Variants in SVOPL observed in about 807,000 individuals in gnomAD.
The protein encoded by SVOPL is putative transporter SVOPL.
In SVOPL, 60 loss-of-function variants were observed where a neutral mutation model predicts 61.0. The ratio of observed to expected loss-of-function variants is 0.98; its 90% CI spans 0.80 to 1.22. The LOEUF (loss-of-function observed/expected upper bound fraction) is 1.22, where lower values mean the gene tolerates loss of function less well. SVOPL is among the 50% of genes most tolerant of loss of function. The probability of loss-of-function intolerance (pLI) is 0.00; values close to 1 mark genes in which losing one functional copy is unlikely to be tolerated. For missense variants in SVOPL, 662 were observed against 643.9 expected, an observed-to-expected ratio of 1.03 and a Z score of -0.30; for synonymous variants, 279 against 250.0, an observed-to-expected ratio of 1.12 and a Z score of -1.09.
chr7:138,628,367 G>C lies in SVOPL; in HGVS notation c.864-4C>G. 2 of 1,613,676 alleles carry C rather than the reference G, an allele frequency of 1.2e-6. No homozygotes were observed. The highest frequency in any genetic ancestry group is 8.5e-7 in the Non-Finnish European group (1 of 1,179,954). Reference sequence around the variant, plus strand: ...GTAGGCAAAAGAGATTCCAAGCCTGGAAGAGAGAAAACAAAGTCACTAGCC... The same window carrying C: ...GTAGGCAAAAGAGATTCCAAGCCTGCAAGAGAGAAAACAAAGTCACTAGCC... On this transcript the variant is annotated splice_region_variant and splice_polypyrimidine_tract_variant and intron_variant, in intron 10 of 15. Coordinates refer to ENST00000674285, the MANE Select transcript of SVOPL (RefSeq NM_001139456.2).
chr7:138,640,361 A>G (rs1800723592), intron 9 of SVOPL, among the ~76,000 whole-genome samples: 1 of 151,866 alleles, frequency 6.6e-6, no homozygotes, highest in Non-Finnish European at 1.5e-5. Flanking sequence ...CCTCCCGAGT[A>G]GCTGGGATTA....
chr7:138,689,384 G>T, intron 1 of SVOPL: 1 of 1,539,850 alleles, frequency 6.5e-7, no homozygotes, highest in Non-Finnish European at 8.9e-7. Flanking sequence ...CTTATGGTCG[G>T]ATTTACCCAT....
At chr7:138,677,786 G>A (rs536977726) in intron 3 of SVOPL, among the ~76,000 whole-genome samples, 7 of 131,762 alleles carry the variant, frequency 5.3e-5, no homozygotes, top group African/African-American at 1.1e-4. Context: ...TTTTTGAGAC[G>A]CAGTCTCGCT....
intron 14 of SVOPL, among the ~76,000 whole-genome samples, chr7:138,618,626 A>C (rs1251325116): frequency 6.6e-6 from 1 of 152,040 alleles, no homozygotes; most frequent in Non-Finnish European, 1.5e-5. Context: ...ATACCACTGC[A>C]CTCCAGCCTG....
At chr7:138,678,183 T>TC (rs1318141033) in intron 3 of SVOPL, among the ~76,000 whole-genome samples, 112 of 148,790 alleles carry the variant, frequency 7.5e-4, no homozygotes, top group African/African-American at 2.6e-3. Context: ...AAGTCCCCCC[T>TC]CCCCCACCAC....
At chr7:138,664,893 C>A in intron 4 of SVOPL, among the ~76,000 whole-genome samples, 1 of 96,904 alleles carries the variant, frequency 1.0e-5, no homozygotes, top group South Asian at 4.7e-4. Context: ...ATAACCCTGA[C>A]CCTTCCCCCA....
intron 1 of SVOPL, among the ~76,000 whole-genome samples, chr7:138,681,888 C>G (rs73164687): frequency 1.3e-5 from 2 of 152,214 alleles, no homozygotes; most frequent in Admixed American, 6.5e-5. Flanking sequence ...ATTTGAACAT[C>G]AGAAAAACTA....
intron 1 of SVOPL, among the ~76,000 whole-genome samples, chr7:138,696,431 T>C (rs541269525): frequency 6.6e-6 from 1 of 152,060 alleles, no homozygotes; most frequent in African/African-American, 2.4e-5. Flanking sequence ...GTTGTTGTTG[T>C]TGTTGTTTTG....
intron 4 of SVOPL, among the ~76,000 whole-genome samples, chr7:138,663,754 C>T (rs1003986721): frequency 1.3e-5 from 2 of 152,126 alleles, no homozygotes; most frequent in African/African-American, 4.8e-5. Flanking sequence ...TGCCTCTGGG[C>T]TCCTTATTTT....
Position 138,678,982 on chromosome 7 carries a change from C to G in SVOPL, c.64G>C (p.Ala22Pro), listed in dbSNP as rs146127387. The G allele has an allele frequency of 1.9e-5, 30 of 1,551,468 alleles. No homozygotes were observed. In the African/African-American group the frequency reaches 2.6e-4, roughly 13 times the overall value. ...ATCTCACCTTTAACCTGTGGCTCTG[C>G]GGTCCCCAGGCTCAATTTCCGAAGG... Reference protein sequence around the residue: ...LSLRKLSLGTAEPQVKEPKTF... With the variant: ...LSLRKLSLGTPEPQVKEPKTF... Residue 22 changes from alanine to proline, a missense_variant, in exon 2 of 16, where the codon GCA becomes CCA. Ala to Pro is a conservative substitution (Grantham distance 27). Transcript: ENST00000674285.
At chr7:138,689,875 A>T (rs900336347) in intron 1 of SVOPL, among the ~76,000 whole-genome samples, 3 of 147,340 alleles carry the variant, frequency 2.0e-5, no homozygotes, top group African/African-American at 7.4e-5. Context: ...AAAAAAAAAG[A>T]TGAAATTATA....
chr7:138,596,760 C>T (rs1174891948), intron 14 of SVOPL: 1 of 1,181,836 alleles, frequency 8.5e-7, no homozygotes, highest in Non-Finnish European at 1.1e-6. Flanking sequence ...CCAGGTAAGA[C>T]CTCTCTTGGC....
chr7:138,687,562 T>C (rs1357255275), intron 1 of SVOPL, among the ~76,000 whole-genome samples: 4 of 151,716 alleles, frequency 2.6e-5, no homozygotes, highest in Non-Finnish European at 5.9e-5. Flanking sequence ...TTAATTTAAT[T>C]TTTATTTTTT....
intron 1 of SVOPL, among the ~76,000 whole-genome samples, chr7:138,683,717 T>C (rs1189335991): frequency 6.6e-6 from 1 of 151,914 alleles, no homozygotes; most frequent in Non-Finnish European, 1.5e-5. Flanking sequence ...ACTAGTTAAG[T>C]AGTAGAATCA....
chr7:138,597,192 C>T, intron 14 of SVOPL: 1 of 1,289,250 alleles, frequency 7.8e-7, no homozygotes, highest in South Asian at 1.2e-5. Context: ...CTTGATAGTT[C>T]TCCATTAATC....
At chr7:138,658,438 ATT>A (rs869038025) in intron 6 of SVOPL, among the ~76,000 whole-genome samples, 3 of 151,136 alleles carry the variant, frequency 2.0e-5, no homozygotes, top group Non-Finnish European at 4.4e-5. Flanking sequence ...GACTTCAAAA[ATT>A]TTTGTTTGTT....
At chr7:138,662,138 T>TGGACG (rs1802029149) in intron 5 of SVOPL, 1 of 985,388 alleles carries the variant, frequency 1.0e-6, no homozygotes, top group Non-Finnish European at 1.2e-6. Context: ...TTTCTGTCCC[T>TGGACG]GGACGGGACA....
At chr7:138,597,020 C>G in intron 14 of SVOPL, 1 of 1,151,230 alleles carries the variant, frequency 8.7e-7, no homozygotes, top group East Asian at 6.3e-5. Context: ...TGTCTTGTCT[C>G]CGGTTATGGA....
intron 1 of SVOPL, among the ~76,000 whole-genome samples, chr7:138,690,076 AG>A (rs1802907582): frequency 6.6e-6 from 1 of 152,116 alleles, no homozygotes; most frequent in African/African-American, 2.4e-5. Context: ...GGCATGAATC[AG>A]ATTTTCCCTC....
Sources: allele counts gnomAD v4.1 joint callset (sites outside exome capture counted in the v4.1 genomes callset), GRCh38; gene constraint gnomAD v4.1.1; transcripts MANE v1.5; gene names NCBI Gene and HGNC (gene_info 2026-07-23, HGNC 2026-07-21).